Variants in DAB1 observed in about 807,000 individuals in gnomAD.
DAB1 encodes the protein disabled homolog 1.
In DAB1, 15 loss-of-function variants were observed where a neutral mutation model predicts 64.6. That is an observed-to-expected ratio of 0.23 (90% confidence interval 0.16 to 0.36). DAB1 has a LOEUF of 0.36. Ranked by LOEUF, DAB1 falls within the 10% of genes least tolerant of loss-of-function variation. The pLI, the probability that DAB1 is intolerant of heterozygous loss-of-function variation, is 1.00. For synonymous variants in DAB1, 235 were observed against 251.9 expected (o/e 0.93, Z 0.64); for missense variants, 596 against 706.7 (o/e 0.84, Z 1.78).
At position 57,871,094 on chromosome 1, in the gene DAB1, C is replaced by A. The variant is rs181619515; in HGVS notation, n.87+12905G>T. Among the ~76,000 whole-genome samples, 41 of 152,266 alleles carry A rather than the reference C, an allele frequency of 2.7e-4. No homozygotes were observed. In the Middle Eastern group the frequency reaches 0.01, roughly 38 times the overall value. On this transcript the variant is annotated intron_variant and non_coding_transcript_variant, in intron 1 of 1. Transcript: ENST00000477280. ...TGAACGAGATATACCAGGATCCCTGCCTCTTTGGAGGAGCAGCAGCAATAT... is the reference window on the plus strand; with the variant it reads ...TGAACGAGATATACCAGGATCCCTGACTCTTTGGAGGAGCAGCAGCAATAT...
chr1:57,091,884 T>G (rs1381806679), intron 4 of DAB1, among the ~76,000 whole-genome samples: 1 of 152,232 alleles, frequency 6.6e-6, no homozygotes, highest in East Asian at 1.9e-4. Flanking sequence ...TTTTTGAATA[T>G]GTACCTTCTC....
chr1:57,116,431 C>T (rs1281322194), intron 4 of DAB1, among the ~76,000 whole-genome samples: 1 of 130,840 alleles, frequency 7.6e-6, no homozygotes, highest in Non-Finnish European at 1.5e-5. Flanking sequence ...CATTGCACTC[C>T]AGCCTGGGCA....
intron 5 of DAB1, among the ~76,000 whole-genome samples, chr1:58,135,390 C>T (rs1308928623): frequency 6.6e-6 from 1 of 152,090 alleles, no homozygotes. Context: ...GATTTCTTTA[C>T]TGAGGAAGGC....
chr1:57,028,298 G>A (rs1418072330), intron 9 of DAB1, among the ~76,000 whole-genome samples: 1 of 152,166 alleles, frequency 6.6e-6, no homozygotes, highest in Non-Finnish European at 1.5e-5. Flanking sequence ...CCTTGCTGCT[G>A]CCATGTAAGA....
intron 1 of DAB1, among the ~76,000 whole-genome samples, chr1:57,303,712 C>T (rs568897257): frequency 1.3e-5 from 2 of 152,152 alleles, no homozygotes; most frequent in South Asian, 4.2e-4. Flanking sequence ...AGAGAGAGAT[C>T]ATTTTCAGTA....
chr1:58,361,837 C>A (rs1644169697), intron 3 of DAB1, among the ~76,000 whole-genome samples: 1 of 148,902 alleles, frequency 6.7e-6, no homozygotes, highest in Admixed American at 6.7e-5. Context: ...TCATTGTAGC[C>A]TAACATCCCA....
chr1:57,628,139 G>A (rs1570686251), intron 7 of DAB1, among the ~76,000 whole-genome samples: 1 of 152,166 alleles, frequency 6.6e-6, no homozygotes, highest in Non-Finnish European at 1.5e-5. Context: ...GTGTGACCTT[G>A]AGCAAGTCAC....
At chr1:58,422,262 G>T (rs1644779596) in intron 3 of DAB1, among the ~76,000 whole-genome samples, 1 of 151,770 alleles carries the variant, frequency 6.6e-6, no homozygotes, top group Non-Finnish European at 1.5e-5. Context: ...CATGGTACGT[G>T]CTTGGAGTAC....
chr1:57,799,472 T>C (rs1254623674), intron 6 of DAB1, among the ~76,000 whole-genome samples: 1 of 152,044 alleles, frequency 6.6e-6, no homozygotes, highest in African/African-American at 2.4e-5. Flanking sequence ...ATGGAGAGGT[T>C]TGCCAGAGCC....
At chr1:57,828,073 G>A (rs1269467333) in intron 1 of DAB1, among the ~76,000 whole-genome samples, 1 of 152,128 alleles carries the variant, frequency 6.6e-6, no homozygotes, top group Non-Finnish European at 1.5e-5. Flanking sequence ...AGCCTCCCGA[G>A]TACCTGGGAC....
At chr1:58,027,838 C>T (rs1646916372) in intron 5 of DAB1, among the ~76,000 whole-genome samples, 1 of 152,012 alleles carries the variant, frequency 6.6e-6, no homozygotes, top group Admixed American at 6.5e-5. Flanking sequence ...CAGAATTCAG[C>T]CATATAGATG....
intron 7 of DAB1, among the ~76,000 whole-genome samples, chr1:57,578,665 C>T (rs6681521): frequency 0.03 from 4,508 of 152,272 alleles, 172 homozygotes; most frequent in Admixed American, 0.12. Flanking sequence ...GTAAATTCCT[C>T]GTGTTTGCCA....
At chr1:58,472,507 G>A (rs542793095) in intron 3 of DAB1, among the ~76,000 whole-genome samples, 2 of 152,188 alleles carry the variant, frequency 1.3e-5, no homozygotes, top group Admixed American at 6.5e-5. Context: ...AGGGAGAAGC[G>A]GTTCCCTTCA....
At chr1:58,323,222 T>C (rs927430874) in intron 4 of DAB1, among the ~76,000 whole-genome samples, 8 of 142,084 alleles carry the variant, frequency 5.6e-5, no homozygotes, top group Non-Finnish European at 9.0e-5. Context: ...ACATGTACCT[T>C]AGAACTTAAA....
chr1:57,258,007 G>A (rs1454509549), intron 2 of DAB1, among the ~76,000 whole-genome samples: 3 of 152,176 alleles, frequency 2.0e-5, no homozygotes, highest in Non-Finnish European at 4.4e-5. Flanking sequence ...ACAGGTTCTG[G>A]GGATTAGAAT....
chr1:57,651,476 A>G (rs1463265509), intron 6 of DAB1, among the ~76,000 whole-genome samples: 2 of 152,216 alleles, frequency 1.3e-5, no homozygotes, highest in East Asian at 1.9e-4. Context: ...TCATAAAACT[A>G]GTGATATATA....
At chr1:57,653,737 C>G (rs1646283418) in intron 6 of DAB1, among the ~76,000 whole-genome samples, 1 of 152,172 alleles carries the variant, frequency 6.6e-6, no homozygotes, top group Non-Finnish European at 1.5e-5. Context: ...CTCAGCCTCC[C>G]CAGTAGCTGG....
intron 1 of DAB1, among the ~76,000 whole-genome samples, chr1:57,355,546 A>C (rs1679025277): frequency 6.6e-6 from 1 of 152,084 alleles, no homozygotes; most frequent in South Asian, 2.1e-4. Flanking sequence ...GATAGAGTGG[A>C]GTTGGGGGTG....
At chr1:58,468,342 A>G (rs1377517149) in intron 3 of DAB1, 1 of 152,184 alleles carries the variant, frequency 6.6e-6, no homozygotes, top group East Asian at 1.9e-4. Flanking sequence ...ACTCTGCAAC[A>G]TTTTTGTTTT....
Sources: gnomAD v4.1 joint callset for allele counts (sites outside exome capture counted in the v4.1 genomes callset) on GRCh38, gnomAD v4.1.1 for gene constraint, MANE v1.5 for transcripts, NCBI Gene and HGNC (gene_info 2026-07-23, HGNC 2026-07-21) for gene names.